Variants in RBMS3 observed in about 807,000 individuals in gnomAD.
The protein encoded by RBMS3 is RNA binding motif single stranded interacting protein 3, also known as RNA-binding motif, single-stranded-interacting protein 3.
In RBMS3, 27 loss-of-function variants were observed where a neutral mutation model predicts 66.8. The observed-to-expected ratio is 0.40, with a 90% confidence interval of 0.30 to 0.56. The LOEUF is 0.56. Ranked by LOEUF, RBMS3 falls within the 20% of genes least tolerant of loss-of-function variation. The probability of loss-of-function intolerance (pLI) is 0.40; values close to 1 mark genes in which losing one functional copy is unlikely to be tolerated. For missense variants in RBMS3, 513 were observed against 549.5 expected (o/e 0.93, Z 0.66); for synonymous variants, 188 against 183.0 (o/e 1.03, Z -0.22).
rs1220878916 is a variant in RBMS3 at position 29,791,607 on chromosome 3, A to AT, written c.637+28625dup. 3.3e-5 allele frequency among the ~76,000 whole-genome samples: 5 copies of AT among 152,048 alleles called. No homozygotes were observed. The East Asian group carries it at 9.6e-4, about 29-fold the overall frequency. On this transcript the variant is annotated intron_variant, in intron 6 of 14. Transcript: ENST00000383767. ...TACTGTTTATCATTAGGAGGAGAGG[A>AT]TTTTTTTACCTTACACATAGTGTGG...
chr3:29,978,877 G>A (rs1046581715), intron 12 of RBMS3, among the ~76,000 whole-genome samples: 50 of 152,230 alleles, frequency 3.3e-4, no homozygotes, highest in African/African-American at 1.1e-3. Context: ...GCTCACACCT[G>A]TAATCTCAGC....
At chr3:29,601,576 C>T (rs1164752181) in intron 4 of RBMS3, among the ~76,000 whole-genome samples, 1 of 151,842 alleles carries the variant, frequency 6.6e-6, no homozygotes, top group African/African-American at 2.4e-5. Flanking sequence ...AATTAAAGGA[C>T]TTGTGTTTGC....
chr3:29,681,249 T>C (rs2051479202), intron 4 of RBMS3, among the ~76,000 whole-genome samples: 1 of 152,244 alleles, frequency 6.6e-6, no homozygotes, highest in Admixed American at 6.5e-5. Flanking sequence ...GAAAAAAATG[T>C]ACAAAGAGAA....
chr3:29,492,126 G>C (rs1007167996), intron 3 of RBMS3, among the ~76,000 whole-genome samples: 1 of 152,192 alleles, frequency 6.6e-6, no homozygotes, highest in Non-Finnish European at 1.5e-5. Context: ...AGCATGTAGA[G>C]TCTCTGCTTA....
At chr3:29,827,848 G>T (rs1051950883) in intron 6 of RBMS3, among the ~76,000 whole-genome samples, 1 of 152,136 alleles carries the variant, frequency 6.6e-6, no homozygotes, top group African/African-American at 2.4e-5. Context: ...AGACCAAAAA[G>T]ATGATAGAAA....
intron 1 of RBMS3, among the ~76,000 whole-genome samples, chr3:29,289,971 T>C (rs1221513805): frequency 1.3e-5 from 2 of 151,880 alleles, no homozygotes; most frequent in Non-Finnish European, 2.9e-5. Flanking sequence ...TTATTGTTTT[T>C]TAATCCTGTG....
chr3:29,666,437 GAGTAAATGCAC>G (rs1254428736), intron 4 of RBMS3, among the ~76,000 whole-genome samples: 1 of 152,146 alleles, frequency 6.6e-6, no homozygotes, highest in Non-Finnish European at 1.5e-5. Flanking sequence ...CTTAATGAAT[GAGTAAATGCAC>G]ATTTACTGCA....
chr3:29,454,499 G>T (rs2042117721), intron 2 of RBMS3, among the ~76,000 whole-genome samples: 1 of 152,126 alleles, frequency 6.6e-6, no homozygotes, highest in Non-Finnish European at 1.5e-5. Context: ...AAAAATATTG[G>T]CATGGAAGAA....
intron 4 of RBMS3, among the ~76,000 whole-genome samples, chr3:29,708,808 A>G (rs1429384081): frequency 6.6e-6 from 1 of 152,204 alleles, no homozygotes; most frequent in African/African-American, 2.4e-5. Context: ...TGACACTGAC[A>G]TGCCATCCAC....
At chr3:29,915,630 A>G (rs2060621564) in intron 10 of RBMS3, among the ~76,000 whole-genome samples, 1 of 151,982 alleles carries the variant, frequency 6.6e-6, no homozygotes, top group African/African-American at 2.4e-5. Context: ...TTCTAAATAC[A>G]AAGTTCAAAC....
At chr3:29,314,309 C>A (rs116430304) in intron 1 of RBMS3, among the ~76,000 whole-genome samples, 5 of 151,620 alleles carry the variant, frequency 3.3e-5, no homozygotes, top group African/African-American at 4.8e-5. Context: ...GGCAATAATA[C>A]CTTCTCATGT....
At chr3:29,552,508 G>T (rs576709666) in intron 3 of RBMS3, among the ~76,000 whole-genome samples, 1 of 152,054 alleles carries the variant, frequency 6.6e-6, no homozygotes, top group Non-Finnish European at 1.5e-5. Context: ...CAGAGGAAGC[G>T]TTATATTTCT....
At chr3:29,682,882 G>A (rs915915954) in intron 4 of RBMS3, among the ~76,000 whole-genome samples, 2 of 152,182 alleles carry the variant, frequency 1.3e-5, no homozygotes, top group South Asian at 2.1e-4. Context: ...GAATGCAAAC[G>A]TGTCACCATT....
At chr3:29,417,287 T>G (rs375579558) in intron 1 of RBMS3, among the ~76,000 whole-genome samples, 1 of 152,188 alleles carries the variant, frequency 6.6e-6, no homozygotes, top group Non-Finnish European at 1.5e-5. Context: ...TTAATGGGTC[T>G]CCAACATTGT....
At position 29,714,739 on chromosome 3, in the gene RBMS3, C is replaced by A. The variant is rs1211639715; in HGVS notation, c.400-24981C>A. Among the ~76,000 whole-genome samples the A allele has an allele frequency of 2.6e-5, 3 of 114,864 alleles. 1 individual carries two copies. The highest frequency in any genetic ancestry group is 1.1e-4 in the African/African-American group (3 of 26,922). 75.4% of individuals were successfully genotyped at this position (114,864 alleles called of 152,430 possible). A position where few individuals can be genotyped will look rare whatever the true frequency, so the allele number is the denominator to read the frequency against. ...GTTTAGATATCCACAGATGCATGTGCACACATGTACACACACACACACACA... is the reference window on the plus strand; with the variant it reads ...GTTTAGATATCCACAGATGCATGTGAACACATGTACACACACACACACACA... On this transcript the variant is annotated intron_variant, in intron 4 of 14. Transcript: ENST00000383767.
intron 4 of RBMS3, among the ~76,000 whole-genome samples, chr3:29,718,850 C>G (rs1215437425): frequency 4.6e-5 from 7 of 152,172 alleles, no homozygotes; most frequent in Non-Finnish European, 7.3e-5. Context: ...AAAAATATAA[C>G]AACGTATCCC....
At chr3:29,847,803 T>C (rs979067295) in intron 6 of RBMS3, among the ~76,000 whole-genome samples, 31 of 152,182 alleles carry the variant, frequency 2.0e-4, no homozygotes, top group East Asian at 7.7e-4. Context: ...CTACAGGCGC[T>C]CGCCGTCACG....
intron 4 of RBMS3, among the ~76,000 whole-genome samples, chr3:29,592,496 A>T (rs2047777230): frequency 3.3e-5 from 5 of 152,202 alleles, no homozygotes; most frequent in Admixed American, 1.3e-4. Context: ...ATTATTAAAA[A>T]GTCAGGAAAC....
At chr3:29,646,705 T>G (rs972116528) in intron 4 of RBMS3, among the ~76,000 whole-genome samples, 4 of 152,010 alleles carry the variant, frequency 2.6e-5, no homozygotes, top group Non-Finnish European at 5.9e-5. Flanking sequence ...AGTTTTCCCT[T>G]CTCATTTTTC....
Sources: allele counts gnomAD v4.1 joint callset (sites outside exome capture counted in the v4.1 genomes callset), GRCh38; gene constraint gnomAD v4.1.1; transcripts MANE v1.5; gene names NCBI Gene and HGNC (gene_info 2026-07-23, HGNC 2026-07-21).